NDFIP2: variants seen among roughly 807,000 people sequenced by gnomAD.
NDFIP2 encodes Nedd4 family interacting protein 2, also known as NEDD4 family-interacting protein 2.
NDFIP2 carries 19 observed loss-of-function variants against 36.0 expected under a neutral mutation model. The observed-to-expected ratio is 0.53, with a 90% confidence interval of 0.37 to 0.77. The LOEUF (loss-of-function observed/expected upper bound fraction) is 0.77, where lower values mean the gene tolerates loss of function less well. Ranked by LOEUF, NDFIP2 falls within the 30% of genes least tolerant of loss-of-function variation. The pLI, the probability that NDFIP2 is intolerant of heterozygous loss-of-function variation, is 0.00. For synonymous variants in NDFIP2, 181 were observed against 167.7 expected (o/e 1.08, Z -0.61); for missense variants, 446 against 435.8 (o/e 1.02, Z -0.21).
chr13:79,537,831 G>T (rs756518788), intron 3 of NDFIP2, among the ~76,000 whole-genome samples: 16 of 152,162 alleles, frequency 1.1e-4, no homozygotes, highest in Non-Finnish European at 2.2e-4. Flanking sequence ...ACTCAACTGA[G>T]ATGATGTGTA....
chr13:79,508,842 C>A (rs779032773), intron 1 of NDFIP2, among the ~76,000 whole-genome samples: 8 of 152,170 alleles, frequency 5.3e-5, no homozygotes, highest in Non-Finnish European at 1.0e-4. Flanking sequence ...GTAGGAATTA[C>A]CAGATTGTTC....
At chr13:79,493,862 G>A (rs1873338406) in intron 1 of NDFIP2, among the ~76,000 whole-genome samples, 1 of 152,042 alleles carries the variant, frequency 6.6e-6, no homozygotes, top group Non-Finnish European at 1.5e-5. Flanking sequence ...GATTTAGCTT[G>A]TAGGTGTTTT....
intron 3 of NDFIP2, among the ~76,000 whole-genome samples, chr13:79,539,037 A>G (rs1160805844): frequency 6.6e-6 from 1 of 151,418 alleles, no homozygotes; most frequent in Non-Finnish European, 1.5e-5. Flanking sequence ...TTTTCCAGAA[A>G]AAAGGCCACC....
intron 1 of NDFIP2, among the ~76,000 whole-genome samples, chr13:79,501,876 C>G (rs529610030): frequency 1.3e-5 from 2 of 152,212 alleles, no homozygotes; most frequent in African/African-American, 4.8e-5. Context: ...CTGGTCGTTA[C>G]TGGTTTCAGC....
intron 1 of NDFIP2, among the ~76,000 whole-genome samples, chr13:79,493,374 T>G (rs545789543): frequency 1.3e-5 from 2 of 152,300 alleles, no homozygotes; most frequent in South Asian, 4.1e-4. Flanking sequence ...GGTATATCCT[T>G]TGCTTTTATA....
At chr13:79,543,377 T>C (rs760931490) in intron 4 of NDFIP2, among the ~76,000 whole-genome samples, 181 bp from the exon 5 acceptor site, 1 of 152,316 alleles carries the variant, frequency 6.6e-6, no homozygotes, top group Non-Finnish European at 1.5e-5. Flanking sequence ...TTTGTTGATA[T>C]ACAGTATAGC....
intron 1 of NDFIP2, among the ~76,000 whole-genome samples, chr13:79,489,930 A>G (rs1420884854): frequency 6.6e-6 from 1 of 152,200 alleles, no homozygotes. Flanking sequence ...CCGAATGAAA[A>G]TGTGGGGCCC....
At chr13:79,533,238 G>A (rs934456431) in intron 2 of NDFIP2, 85 bp from the exon 3 acceptor site, 6 of 1,246,886 alleles carry the variant, frequency 4.8e-6, no homozygotes, top group Non-Finnish European at 6.7e-6. Context: ...CTGTATTGGT[G>A]GCCAGTTGTA....
chr13:79,509,198 T>C (rs560678135), intron 1 of NDFIP2, among the ~76,000 whole-genome samples: 2 of 152,292 alleles, frequency 1.3e-5, no homozygotes, highest in East Asian at 3.9e-4. Context: ...ACAACTTGCT[T>C]GTATACATTT....
At chr13:79,542,211 T>G (rs1295902247) in intron 4 of NDFIP2, among the ~76,000 whole-genome samples, 1 of 152,218 alleles carries the variant, frequency 6.6e-6, no homozygotes, top group African/African-American at 2.4e-5. Context: ...ACTTTTCTTC[T>G]GAGGTTTAGC....
intron 1 of NDFIP2, among the ~76,000 whole-genome samples, chr13:79,489,750 C>T (rs1200622613): frequency 2.0e-5 from 3 of 152,128 alleles, no homozygotes; most frequent in African/African-American, 4.8e-5. Flanking sequence ...AGGAGGAAAG[C>T]TGTATGGCTG....
At chr13:79,502,734 G>A (rs1873713915) in intron 1 of NDFIP2, among the ~76,000 whole-genome samples, 1 of 151,970 alleles carries the variant, frequency 6.6e-6, no homozygotes, top group African/African-American at 2.4e-5. Context: ...AAAGCCACAT[G>A]GTAATGAATT....
intron 4 of NDFIP2, 143 bp from the exon 5 acceptor site, chr13:79,543,415 A>G (rs1427974884): frequency 3.9e-6 from 4 of 1,015,718 alleles, no homozygotes; most frequent in South Asian, 3.3e-5. Flanking sequence ...AAAGTAGGCT[A>G]TAGTCTATAA....
chr13:79,540,886 G>A (rs1014063845), intron 4 of NDFIP2, among the ~76,000 whole-genome samples: 1 of 152,078 alleles, frequency 6.6e-6, no homozygotes, highest in African/African-American at 2.4e-5. Context: ...ATCTTAAATT[G>A]GTTTTAGTTA....
At chr13:79,501,440 C>T (rs1258586857) in intron 1 of NDFIP2, among the ~76,000 whole-genome samples, 2 of 151,898 alleles carry the variant, frequency 1.3e-5, no homozygotes, top group East Asian at 3.9e-4. Context: ...GTACCTTATG[C>T]GGACTTTTCC....
chr13:79,498,653 G>A (rs1275573735), intron 1 of NDFIP2, among the ~76,000 whole-genome samples: 1 of 151,952 alleles, frequency 6.6e-6, no homozygotes, highest in Non-Finnish European at 1.5e-5. Flanking sequence ...AGAGAAAGAA[G>A]AAGGGAGCTG....
In NDFIP2 at chr13:79,481,416, G is replaced by T. The variant is rs1054489214; in HGVS notation, c.213G>T (p.Thr71=). The T allele has an allele frequency of 7.1e-6, 11 of 1,557,998 alleles. No homozygotes were observed. The Admixed American group carries it at 7.8e-5, about 11-fold the overall frequency. The change falls in exon 1 of 8, where the codon ACG becomes ACT. Residue 71 remains threonine, a synonymous_variant. Transcript: ENST00000218652. ...GCCCTGCGGCGACGACGTCGTCGAC[G>T]GGGGTGGCCGTGGGAGCTGAGCACG... ...GRGPAATTSS[T]GVAVGAEHGE... is the part of the protein sequence containing the mutation.
intron 2 of NDFIP2, among the ~76,000 whole-genome samples, chr13:79,522,288 C>G (rs1281596910): frequency 6.6e-6 from 1 of 152,028 alleles, no homozygotes. Context: ...AATAGTAATT[C>G]TTCAATATTT....
At chr13:79,527,284 C>T (rs1408423242) in intron 2 of NDFIP2, among the ~76,000 whole-genome samples, 1 of 152,084 alleles carries the variant, frequency 6.6e-6, no homozygotes, top group African/African-American at 2.4e-5. Flanking sequence ...AGGCTGTTTA[C>T]TGATATCACA....
Sources: allele counts gnomAD v4.1 joint callset (sites outside exome capture counted in the v4.1 genomes callset), GRCh38; gene constraint gnomAD v4.1.1; transcripts MANE v1.5; gene names NCBI Gene and HGNC (gene_info 2026-07-23, HGNC 2026-07-21).